The following EPM2A variants were observed in gnomAD, a reference collection of about 807,000 sequenced individuals.
The protein encoded by EPM2A is laforin.
Under a neutral mutation model 26.5 loss-of-function variants are expected in EPM2A, and 21 were observed. That is an observed-to-expected ratio of 0.79 (90% CI 0.56 to 1.14). EPM2A has a LOEUF of 1.14. EPM2A is among the 50% of genes most tolerant of loss of function. The pLI, the probability that EPM2A is intolerant of heterozygous loss-of-function variation, is 0.00. For missense variants in EPM2A, 458 were observed against 440.8 expected (o/e 1.04, Z -0.35); for synonymous variants, 217 against 177.6 (o/e 1.22, Z -1.76).
chr6:145,623,508 G>C (rs1019729355), downstream of EPM2A, among the ~76,000 whole-genome samples: 6 of 152,334 alleles, frequency 3.9e-5, no homozygotes, highest in East Asian at 5.8e-4. Context: ...AGTATGGCTA[G>C]AGCAGAGTGA....
chr6:145,646,112 C>T (rs1349840795), intron 2 of EPM2A, among the ~76,000 whole-genome samples: 1 of 152,084 alleles, frequency 6.6e-6, no homozygotes, highest in African/African-American at 2.4e-5. Context: ...CCTAATGAGT[C>T]CCACCTGGCA....
At chr6:145,451,336 C>T (rs763924675) in intron 4 of EPM2A, among the ~76,000 whole-genome samples, 2 of 95,088 alleles carry the variant, frequency 2.1e-5, no homozygotes, top group African/African-American at 2.9e-5. Context: ...GCATTTGTTA[C>T]CAAAAAATGC....
intron 4 of EPM2A, among the ~76,000 whole-genome samples, chr6:145,410,965 T>C (rs1198945326): frequency 6.6e-6 from 1 of 152,168 alleles, no homozygotes; most frequent in Non-Finnish European, 1.5e-5. Context: ...TGACCAGTTT[T>C]CTCTAATAAC....
At chr6:145,452,613 A>G (rs1472298714) in intron 4 of EPM2A, among the ~76,000 whole-genome samples, 2 of 148,280 alleles carry the variant, frequency 1.3e-5, no homozygotes, top group Non-Finnish European at 3.0e-5. Flanking sequence ...CGGAGCTTGC[A>G]GGGAGGCGGA....
At chr6:145,556,081 C>T (rs1467967467) in intron 2 of EPM2A, among the ~76,000 whole-genome samples, 2 of 152,248 alleles carry the variant, frequency 1.3e-5, no homozygotes, top group East Asian at 3.9e-4. Flanking sequence ...ACAATTACAG[C>T]CACTCTATTA....
chr6:145,502,507 T>C lies in EPM2A; in HGVS notation c.394+15A>G, dbSNP rs146546380. 704 of 469,598 alleles carry C rather than the reference T, an allele frequency of 1.5e-3. 3 individuals are homozygous for C. The highest frequency in any genetic ancestry group is 0.01 in the African/African-American group (508 of 50,122). 29.1% of individuals were successfully genotyped at this position (469,598 alleles called of 1,614,324 possible). A position where few individuals can be genotyped will look rare whatever the true frequency, so the allele number is the denominator to read the frequency against. On this transcript the variant is annotated intron_variant, in intron 3 of 3. Transcript: ENST00000450221. ...GAGGAAGCTGCTCACTGGGAGGAGG[T>C]GCATACTCACTCACCTGCAGTCTCT...
chr6:145,724,559 T>C (rs1287480838), intron 1 of EPM2A, among the ~76,000 whole-genome samples: 1 of 152,044 alleles, frequency 6.6e-6, no homozygotes, highest in African/African-American at 2.4e-5. Flanking sequence ...AACACAATTT[T>C]GAAGAACAAG....
chr6:145,628,246 AT>A (rs1676378321), intron 3 of EPM2A: 1 of 155,064 alleles, frequency 6.4e-6, no homozygotes, highest in Non-Finnish European at 1.4e-5. Flanking sequence ...TGGATAACCA[AT>A]TGTTCATTTA....
chr6:145,645,421 C>A (rs548272526), intron 2 of EPM2A, among the ~76,000 whole-genome samples: 70 of 152,234 alleles, frequency 4.6e-4, no homozygotes, highest in Middle Eastern at 6.8e-3. Flanking sequence ...ATCCTCCCAC[C>A]TCATCCTCCT....
downstream of EPM2A, among the ~76,000 whole-genome samples, chr6:145,500,671 T>C (rs763178485): frequency 6.6e-6 from 1 of 152,192 alleles, no homozygotes; most frequent in Non-Finnish European, 1.5e-5. Context: ...ATATTAAATA[T>C]ATTTATGAAG....
At chr6:145,481,961 C>A (rs1340882324) in intron 4 of EPM2A, among the ~76,000 whole-genome samples, 3 of 152,070 alleles carry the variant, frequency 2.0e-5, no homozygotes, top group Non-Finnish European at 4.4e-5. Context: ...GTCAATCATA[C>A]AAATGCTTAG....
chr6:145,537,076 C>G (rs1780442208), intron 2 of EPM2A, among the ~76,000 whole-genome samples: 1 of 152,120 alleles, frequency 6.6e-6, no homozygotes, highest in South Asian at 2.1e-4. Context: ...AAGCCATCAG[C>G]TATTAATCAA....
chr6:145,516,932 T>C (rs1285478449), intron 2 of EPM2A, among the ~76,000 whole-genome samples: 1 of 152,188 alleles, frequency 6.6e-6, no homozygotes, highest in Non-Finnish European at 1.5e-5. Flanking sequence ...ATAGCCAAGA[T>C]GTGAAAACAA....
chr6:145,719,864 T>C (rs1363545907), intron 1 of EPM2A, among the ~76,000 whole-genome samples: 2 of 152,146 alleles, frequency 1.3e-5, no homozygotes, highest in Admixed American at 6.5e-5. Flanking sequence ...GGGTTTTAGT[T>C]TTCCTAACTG....
chr6:145,557,745 T>TA (rs1262044792), intron 2 of EPM2A, among the ~76,000 whole-genome samples: 1 of 152,102 alleles, frequency 6.6e-6, no homozygotes, highest in Non-Finnish European at 1.5e-5. Context: ...TGAGAACACT[T>TA]AAAACTACTC....
At position 145,559,672 on chromosome 6, in the gene EPM2A, CTTTTTTTT is replaced by C. The variant is rs201917957; in HGVS notation, c.341-57105_341-57098del. On this transcript the variant is annotated intron_variant, in intron 2 of 3. Transcript: ENST00000450221. ...GGCTCCTTTCCAATAATACTTTCTC[CTTTTTTTT>C]TTTTTTTTTTTTAAAATGGTGCTAT... 2.2e-5 allele frequency among the ~76,000 whole-genome samples: 3 copies of C among 138,730 alleles called. 1 individual carries two copies. Among genetic ancestry groups the C allele is most frequent in the African/African-American group, 8.0e-5 (3 of 37,590 alleles). The allele number at this position is 138,730 out of a possible 152,430, so 91.0% of individuals were successfully genotyped here. A position where few individuals can be genotyped will look rare whatever the true frequency, so the allele number is the denominator to read the frequency against.
chr6:145,446,860 C>T (rs1367376206), intron 4 of EPM2A, among the ~76,000 whole-genome samples: 1 of 152,036 alleles, frequency 6.6e-6, no homozygotes, highest in East Asian at 1.9e-4. Flanking sequence ...AAATCTTTGT[C>T]CTGAAATTCT....
chr6:145,515,987 T>G (rs1780121021), intron 2 of EPM2A, among the ~76,000 whole-genome samples: 1 of 152,192 alleles, frequency 6.6e-6, no homozygotes. Flanking sequence ...GGCTGTGAGC[T>G]GATACTCAGA....
intron 2 of EPM2A, among the ~76,000 whole-genome samples, chr6:145,653,385 G>A (rs778050876): frequency 6.6e-6 from 1 of 152,112 alleles, no homozygotes; most frequent in Non-Finnish European, 1.5e-5. Context: ...CATGATTGTA[G>A]GTTTCCTTCC....
Sources: gnomAD v4.1 joint callset for allele counts (sites outside exome capture counted in the v4.1 genomes callset) on GRCh38, gnomAD v4.1.1 for gene constraint, MANE v1.5 for transcripts, NCBI Gene and HGNC (gene_info 2026-07-23, HGNC 2026-07-21) for gene names.